The following MCUB variants were observed in gnomAD, a reference collection of about 807,000 sequenced individuals.
The protein encoded by MCUB is mitochondrial calcium uniporter dominant negative subunit beta.
MCUB carries 46 observed loss-of-function variants against 41.4 expected under a neutral mutation model. That is an observed-to-expected ratio of 1.11 (90% CI 0.88 to 1.42). MCUB has a LOEUF of 1.42. MCUB is among the 40% of genes most tolerant of loss of function. The probability of loss-of-function intolerance (pLI) is 0.00; values close to 1 mark genes in which losing one functional copy is unlikely to be tolerated. For missense variants in MCUB, 403 were observed against 404.9 expected, an observed-to-expected ratio of 1.00 and a Z score of 0.04; for synonymous variants, 148 against 148.2, an observed-to-expected ratio of 1.00 and a Z score of 0.01.
intron 1 of MCUB, among the ~76,000 whole-genome samples, chr4:109,592,400 A>T (rs1727458657): frequency 6.6e-6 from 1 of 150,502 alleles, no homozygotes; most frequent in Non-Finnish European, 1.5e-5. Context: ...ACAGAACGAG[A>T]CTCTGTCTCA....
At chr4:109,660,154 A>G in intron 2 of MCUB, 41 bp from the exon 3 acceptor site, 1 of 1,000,116 alleles carries the variant, frequency 1.0e-6, no homozygotes. Context: ...TTTTTTTTAA[A>G]GTAAAATTTA....
At chr4:109,650,041 A>C (rs926229633) in intron 1 of MCUB, among the ~76,000 whole-genome samples, 2 of 152,194 alleles carry the variant, frequency 1.3e-5, no homozygotes, top group African/African-American at 2.4e-5. Context: ...TTGTTTATTC[A>C]AAACTATCAT....
chr4:109,633,249 A>G (rs548674327), intron 1 of MCUB, among the ~76,000 whole-genome samples: 6 of 152,128 alleles, frequency 3.9e-5, no homozygotes, highest in Non-Finnish European at 8.8e-5. Context: ...TGGATAGAAC[A>G]TAATATTTTA....
At chr4:109,599,296 T>C (rs569813206) in intron 1 of MCUB, among the ~76,000 whole-genome samples, 1 of 152,342 alleles carries the variant, frequency 6.6e-6, no homozygotes, top group South Asian at 2.1e-4. Context: ...CCAGCTTTGT[T>C]TGATCCTCCT....
At chr4:109,623,709 G>A (rs148712545) in intron 1 of MCUB, among the ~76,000 whole-genome samples, 5 of 152,272 alleles carry the variant, frequency 3.3e-5, no homozygotes, top group Admixed American at 2.0e-4. Flanking sequence ...TCAAGAATGT[G>A]AGCAAGCATT....
At chr4:109,638,940 C>T (rs1728654576) in intron 1 of MCUB, among the ~76,000 whole-genome samples, 1 of 152,138 alleles carries the variant, frequency 6.6e-6, no homozygotes, top group East Asian at 1.9e-4. Context: ...TTCTAGTTCT[C>T]TTGCTATTTT....
intron 4 of MCUB, among the ~76,000 whole-genome samples, chr4:109,665,124 C>A (rs912578276): frequency 2.0e-5 from 3 of 152,106 alleles, no homozygotes; most frequent in African/African-American, 7.2e-5. Flanking sequence ...ACCCAAAGTC[C>A]ATAGTTTACA....
intron 1 of MCUB, among the ~76,000 whole-genome samples, chr4:109,646,705 T>A (rs959808356): frequency 4.6e-5 from 7 of 152,178 alleles, no homozygotes; most frequent in Admixed American, 3.3e-4. Context: ...TCACTTACCT[T>A]ACTGTGGTCC....
intron 1 of MCUB, among the ~76,000 whole-genome samples, chr4:109,612,280 T>TC (rs1426748573): frequency 5.4e-5 from 8 of 149,406 alleles, no homozygotes; most frequent in Non-Finnish European, 1.2e-4. Flanking sequence ...TTTTTTTTTT[T>TC]TTGAGAGCGT....
At chr4:109,683,109 A>G (rs558473363) in intron 5 of MCUB, 2 of 156,678 alleles carry the variant, frequency 1.3e-5, no homozygotes, top group Admixed American at 1.3e-4. Flanking sequence ...TTTTTAGAGA[A>G]TAGGCCCAGA....
chr4:109,655,695 C>T (rs187409119), intron 1 of MCUB, among the ~76,000 whole-genome samples: 6 of 152,124 alleles, frequency 3.9e-5, no homozygotes, highest in Non-Finnish European at 8.8e-5. Context: ...ATTTGGAATT[C>T]GGAATGATTC....
At chr4:109,630,202 T>C (rs996536887) in intron 1 of MCUB, among the ~76,000 whole-genome samples, 7 of 152,228 alleles carry the variant, frequency 4.6e-5, no homozygotes, top group Non-Finnish European at 7.3e-5. Flanking sequence ...GGCTTGTGCC[T>C]ATAATCCCAG....
intron 1 of MCUB, among the ~76,000 whole-genome samples, chr4:109,587,150 C>G (rs1006112920): frequency 2.6e-5 from 4 of 152,240 alleles, no homozygotes; most frequent in Admixed American, 6.5e-5. Flanking sequence ...TTTACCTACT[C>G]AAGCCTCAGC....
Position 109,681,827 on chromosome 4 carries a change from C to T in MCUB, c.452-755C>T, listed in dbSNP as rs577956755. On this transcript the variant is annotated intron_variant, in intron 4 of 7. Transcript: ENST00000394650. ...CAAAACAGCAGTGGTGGACAGTGAG[C>T]GAAAGCTCAGCTCGAGCAGTAACAA... is the stretch of plus-strand genomic sequence containing the variant. Among the ~76,000 whole-genome samples the T allele has an allele frequency of 1.3e-4, 20 of 152,290 alleles. No homozygotes were observed. The East Asian group carries it at 3.7e-3, about 28-fold the overall frequency.
intron 1 of MCUB, among the ~76,000 whole-genome samples, chr4:109,595,059 G>T (rs1227392146): frequency 5.3e-5 from 8 of 151,938 alleles, no homozygotes; most frequent in African/African-American, 1.9e-4. Context: ...TGGAGAGGAG[G>T]TGGTGTAAAT....
chr4:109,642,128 G>A (rs907795545), intron 1 of MCUB, among the ~76,000 whole-genome samples: 1 of 152,034 alleles, frequency 6.6e-6, no homozygotes, highest in Non-Finnish European at 1.5e-5. Context: ...ATATGATTTT[G>A]AAGATCTTTA....
intron 1 of MCUB, among the ~76,000 whole-genome samples, chr4:109,572,336 G>A (rs1390855904): frequency 6.6e-6 from 1 of 152,220 alleles, no homozygotes; most frequent in Non-Finnish European, 1.5e-5. Flanking sequence ...AATAAATATA[G>A]CTGAGAAAAG....
intron 4 of MCUB, among the ~76,000 whole-genome samples, chr4:109,677,432 A>G (rs929048270): frequency 6.6e-6 from 1 of 152,146 alleles, no homozygotes; most frequent in East Asian, 1.9e-4. Flanking sequence ...GAGTGAATGT[A>G]TTTTGTGTGG....
intron 1 of MCUB, among the ~76,000 whole-genome samples, chr4:109,576,835 T>A (rs769518763): frequency 3.3e-5 from 5 of 152,130 alleles, no homozygotes; most frequent in African/African-American, 4.8e-5. Context: ...AGCCAGATAC[T>A]CAGAAATTCT....
Sources: allele counts gnomAD v4.1 joint callset (sites outside exome capture counted in the v4.1 genomes callset), GRCh38; gene constraint gnomAD v4.1.1; transcripts MANE v1.5; gene names NCBI Gene and HGNC (gene_info 2026-07-23, HGNC 2026-07-21).